The following PTPRO variants were observed in gnomAD, a reference collection of about 807,000 sequenced individuals.
The protein encoded by PTPRO is receptor-type tyrosine-protein phosphatase O.
PTPRO carries 62 observed loss-of-function variants against 145.2 expected under a neutral mutation model. The observed-to-expected ratio is 0.43, with a 90% CI of 0.35 to 0.53. The LOEUF is 0.53. PTPRO is among the 20% of genes least tolerant of loss of function. PTPRO has a pLI of 0.01. For missense variants in PTPRO, 1,345 were observed against 1,482.7 expected (o/e 0.91, Z 1.53); for synonymous variants, 565 against 514.7 (o/e 1.10, Z -1.32).
intron 1 of PTPRO, among the ~76,000 whole-genome samples, chr12:15,467,529 A>G (rs561650128): frequency 1.3e-5 from 2 of 151,894 alleles, no homozygotes; most frequent in African/African-American, 2.4e-5. Flanking sequence ...ATTCCCCCCA[A>G]TACCACCCTA....
Position 15,579,389 on chromosome 12 carries a change from A to G in PTPRO, c.2920+446A>G, listed in dbSNP as rs76246843. Among the ~76,000 whole-genome samples the G allele has an allele frequency of 1.4e-3, 217 of 152,364 alleles. 1 individual carries two copies. The East Asian group carries it at 0.039, about 27-fold the overall frequency. On this transcript the variant is annotated intron_variant, in intron 20 of 26. Transcript: ENST00000281171. ...AGCAGCATTCAAGGAAAAAAAGGTA[A>G]TATAAAGCACTTACAAAACAATTAA...
chr12:15,438,042 G>A (rs1422341259), intron 1 of PTPRO, among the ~76,000 whole-genome samples: 1 of 152,170 alleles, frequency 6.6e-6, no homozygotes, highest in Non-Finnish European at 1.5e-5. Context: ...CAGGCTTGTA[G>A]GACAAACTTC....
intron 1 of PTPRO, among the ~76,000 whole-genome samples, chr12:15,427,520 T>C (rs1940316830): frequency 6.6e-6 from 1 of 151,790 alleles, no homozygotes; most frequent in African/African-American, 2.4e-5. Flanking sequence ...GAATTTTTCT[T>C]AGTCATATCT....
At chr12:15,366,804 C>T (rs1565589161) in intron 1 of PTPRO, among the ~76,000 whole-genome samples, 1 of 152,088 alleles carries the variant, frequency 6.6e-6, no homozygotes, top group Non-Finnish European at 1.5e-5. Flanking sequence ...ATGGTATAAA[C>T]AAATAAATGT....
At chr12:15,586,762 A>G in intron 23 of PTPRO, 135 bp from the exon 24 acceptor site, 1 of 938,278 alleles carries the variant, frequency 1.1e-6, no homozygotes, top group Non-Finnish European at 1.7e-6. Flanking sequence ...ATGGTGCTCA[A>G]AGCTGGAAAG....
At chr12:15,493,754 CTA>C (rs1942046843) in intron 2 of PTPRO, among the ~76,000 whole-genome samples, 1 of 152,162 alleles carries the variant, frequency 6.6e-6, no homozygotes, top group Non-Finnish European at 1.5e-5. Context: ...TGAGGCTAGA[CTA>C]TCTGACACAG....
chr12:15,471,163 G>A (rs1312935363), intron 1 of PTPRO, among the ~76,000 whole-genome samples: 1 of 152,140 alleles, frequency 6.6e-6, no homozygotes. Context: ...CAGATTGCTT[G>A]AGCCCAGGAG....
At chr12:15,459,963 C>T (rs1019575755) in intron 1 of PTPRO, among the ~76,000 whole-genome samples, 1 of 152,098 alleles carries the variant, frequency 6.6e-6, no homozygotes, top group East Asian at 1.9e-4. Context: ...GTTTATGTTC[C>T]TTGGGTTTAT....
At chr12:15,433,664 T>A (rs529585668) in intron 1 of PTPRO, among the ~76,000 whole-genome samples, 9 of 152,302 alleles carry the variant, frequency 5.9e-5, no homozygotes, top group African/African-American at 2.2e-4. Flanking sequence ...ATCAGATGGA[T>A]GTAGGTGTGT....
chr12:15,386,242 T>A lies in PTPRO; in HGVS notation c.75+63441T>A, dbSNP rs550833582. Among the ~76,000 whole-genome samples the A allele has an allele frequency of 2.0e-5, 3 of 152,254 alleles. No homozygotes were observed. In the South Asian group the frequency reaches 6.2e-4, roughly 32 times the overall value. On this transcript the variant is annotated intron_variant, in intron 1 of 26. Coordinates refer to ENST00000281171, the MANE Select transcript of PTPRO (RefSeq NM_030667.3). ...TGCATGAGATTTCAGATATTTGCCT[T>A]ATCAGATGCATAATTAAAATAAGAA...
At chr12:15,342,251 G>A (rs1353226149) in intron 1 of PTPRO, among the ~76,000 whole-genome samples, 1 of 152,058 alleles carries the variant, frequency 6.6e-6, no homozygotes, top group East Asian at 1.9e-4. Flanking sequence ...CTGTCTAATG[G>A]CAACTATTTT....
intron 1 of PTPRO, among the ~76,000 whole-genome samples, chr12:15,458,683 C>T (rs1941235562): frequency 6.6e-6 from 1 of 151,392 alleles, no homozygotes; most frequent in South Asian, 2.1e-4. Flanking sequence ...GATTTCTGAG[C>T]TGGTTTCTTG....
intron 1 of PTPRO, among the ~76,000 whole-genome samples, chr12:15,452,679 A>G (rs892240975): frequency 4.6e-5 from 7 of 152,226 alleles, no homozygotes; most frequent in Admixed American, 2.0e-4. Context: ...CCAGAGAAGC[A>G]GGGATGGTTT....
intron 2 of PTPRO, among the ~76,000 whole-genome samples, chr12:15,489,198 A>G (rs1307583765): frequency 6.6e-6 from 1 of 152,180 alleles, no homozygotes; most frequent in African/African-American, 2.4e-5. Flanking sequence ...AACCATTACA[A>G]ATAATATGAT....
intron 7 of PTPRO, among the ~76,000 whole-genome samples, chr12:15,509,349 A>G (rs1942387832): frequency 6.7e-6 from 1 of 149,770 alleles, no homozygotes; most frequent in African/African-American, 2.5e-5. Flanking sequence ...TTTCATTTTT[A>G]CTGTAAAAGT....
intron 1 of PTPRO, among the ~76,000 whole-genome samples, chr12:15,367,525 A>G (rs1385100257): frequency 6.6e-6 from 1 of 152,202 alleles, no homozygotes; most frequent in Non-Finnish European, 1.5e-5. Flanking sequence ...TCAGACTCCT[A>G]AATTAATATC....
chr12:15,432,363 A>G (rs1009953756), intron 1 of PTPRO, among the ~76,000 whole-genome samples: 14 of 152,312 alleles, frequency 9.2e-5, no homozygotes, highest in African/African-American at 3.1e-4. Flanking sequence ...ATAGTATTCT[A>G]TGATGTATAT....
intron 19 of PTPRO, among the ~76,000 whole-genome samples, chr12:15,571,803 T>G (rs923227855): frequency 6.6e-6 from 1 of 152,158 alleles, no homozygotes; most frequent in African/African-American, 2.4e-5. Flanking sequence ...AATGGAACCA[T>G]GTGGGCTCAA....
chr12:15,579,674 T>C (rs957710484), intron 20 of PTPRO, among the ~76,000 whole-genome samples: 1 of 152,232 alleles, frequency 6.6e-6, no homozygotes, highest in Non-Finnish European at 1.5e-5. Context: ...CTTAAAGTAG[T>C]GAACTCTCTG....
Sources: gnomAD v4.1 joint callset for allele counts (sites outside exome capture counted in the v4.1 genomes callset) on GRCh38, gnomAD v4.1.1 for gene constraint, MANE v1.5 for transcripts, NCBI Gene and HGNC (gene_info 2026-07-23, HGNC 2026-07-21) for gene names.